The following WIF1 variants were observed in gnomAD, a reference collection of about 807,000 sequenced individuals.
The protein encoded by WIF1 is Wnt inhibitory factor 1.
WIF1 carries 35 observed loss-of-function variants against 53.5 expected under a neutral mutation model. That is an observed-to-expected ratio of 0.65 (90% confidence interval 0.50 to 0.87). The LOEUF (loss-of-function observed/expected upper bound fraction) is 0.87. Ranked by LOEUF, WIF1 falls within the 40% of genes least tolerant of loss-of-function variation. The pLI, the probability that WIF1 is intolerant of heterozygous loss-of-function variation, is 0.00. For missense variants in WIF1, 467 were observed against 476.8 expected, an observed-to-expected ratio of 0.98 and a Z score of 0.19; for synonymous variants, 171 against 170.4, an observed-to-expected ratio of 1.00 and a Z score of -0.03.
chr12:65,075,738 G>GA (rs1882851504), intron 3 of WIF1, among the ~76,000 whole-genome samples: 1 of 152,078 alleles, frequency 6.6e-6, no homozygotes, highest in South Asian at 2.1e-4. Context: ...AAATGCAGTG[G>GA]AAAAAATTGC....
chr12:65,084,422 ATCT>A (rs1333130679), intron 2 of WIF1, among the ~76,000 whole-genome samples: 1 of 152,134 alleles, frequency 6.6e-6, no homozygotes, highest in East Asian at 1.9e-4. Flanking sequence ...AACAGGCATC[ATCT>A]TCTGGAGCTC....
At position 65,055,150 on chromosome 12, in the gene WIF1, T is replaced by C; in HGVS notation, c.986A>G (p.Gln329Arg). Residue 329 changes from glutamine (Q) to arginine (R), a missense_variant, in exon 9 of 10, where the codon CAA (glutamine) becomes CGA (arginine). By Grantham distance (43) the Gln-to-Arg change is conservative. Coordinates refer to ENST00000286574, the MANE Select transcript of WIF1 (RefSeq NM_007191.5). ...TCHEPNKCQC[Q>R]EGWHGRHCNK... ...GCAGTGTCTTCCATGCCAACCTTCTTGACATTGGCATTTGTTGGGTTCATG... is the reference window on the plus strand; with the variant it reads ...GCAGTGTCTTCCATGCCAACCTTCTCGACATTGGCATTTGTTGGGTTCATG... The C allele has an allele frequency of 6.2e-7, 1 of 1,614,168 alleles. No homozygotes were observed. The highest frequency in any genetic ancestry group is 8.5e-7 in the Non-Finnish European group (1 of 1,180,018).
chr12:65,053,850 A>G (rs1397446151), intron 9 of WIF1, among the ~76,000 whole-genome samples: 1 of 151,206 alleles, frequency 6.6e-6, no homozygotes, highest in Admixed American at 6.6e-5. Flanking sequence ...ATGTATATTT[A>G]TATATAAATA....
chr12:65,121,070 T>C lies in WIF1; in HGVS notation c.122A>G (p.Asp41Gly). ...TATGAGTACTCTTGCCTGGTGAGCA[T>C]CGATCCATAGGTACAGGCTCTCCTC... ...PQEESLYLWI[D>G]AHQARVLIGF... Residue 41 changes from aspartate to glycine, a missense_variant, in exon 1 of 10, where the codon GAT becomes GGT. Coordinates refer to ENST00000286574, the MANE Select transcript of WIF1 (RefSeq NM_007191.5). 1 of 1,539,576 alleles carries C rather than the reference T, an allele frequency of 6.5e-7. No individual in the cohort carries two copies. The highest frequency in any genetic ancestry group is 8.8e-7 in the Non-Finnish European group (1 of 1,140,486).
intron 2 of WIF1, among the ~76,000 whole-genome samples, chr12:65,102,348 CA>C (rs1313387038): frequency 5.3e-5 from 8 of 152,110 alleles, no homozygotes; most frequent in Non-Finnish European, 8.8e-5. Flanking sequence ...CAGGAAAGCC[CA>C]TGGTGTAGTT....
intron 2 of WIF1, among the ~76,000 whole-genome samples, chr12:65,094,805 T>C (rs1883176440): frequency 6.6e-6 from 1 of 151,828 alleles, no homozygotes. Context: ...CAATAACTAT[T>C]ACTAACTTCC....
chr12:65,072,965 A>G (rs556362553), intron 3 of WIF1, among the ~76,000 whole-genome samples: 3 of 152,196 alleles, frequency 2.0e-5, no homozygotes, highest in African/African-American at 7.2e-5. Context: ...TGAAGTACAG[A>G]CTGATATGCA....
Position 65,074,348 on chromosome 12 carries a change from GTAAT to G in WIF1, c.397+3394_397+3397del, listed in dbSNP as rs1479735496. The stretch of plus-strand genomic sequence containing the variant: ...GAAGCTGAGCAGGTAAGTATAACTG[GTAAT>G]TAATTAATGTATTTTTAATGGACTA... On this transcript the variant is annotated intron_variant, in intron 3 of 9. Coordinates refer to ENST00000286574, the MANE Select transcript of WIF1 (RefSeq NM_007191.5). 5.3e-5 allele frequency among the ~76,000 whole-genome samples: 8 copies of G among 151,822 alleles called. No homozygotes were observed. In the South Asian group the frequency reaches 1.5e-3, roughly 28 times the overall value.
intron 3 of WIF1, among the ~76,000 whole-genome samples, chr12:65,075,702 T>C (rs1193138205): frequency 6.6e-6 from 1 of 152,182 alleles, no homozygotes; most frequent in African/African-American, 2.4e-5. Flanking sequence ...AACTGCTCTC[T>C]GGAATAGGAA....
At chr12:65,094,817 T>G (rs977875693) in intron 2 of WIF1, among the ~76,000 whole-genome samples, 1 of 152,042 alleles carries the variant, frequency 6.6e-6, no homozygotes, top group Non-Finnish European at 1.5e-5. Flanking sequence ...CTAACTTCCC[T>G]CCCACTCCCC....
intron 2 of WIF1, among the ~76,000 whole-genome samples, chr12:65,097,849 T>A (rs994100550): frequency 6.6e-6 from 1 of 152,220 alleles, no homozygotes; most frequent in African/African-American, 2.4e-5. Flanking sequence ...TTTGATTGTA[T>A]CATATCACTT....
At chr12:65,059,646 T>C (rs1220444353) in intron 7 of WIF1, among the ~76,000 whole-genome samples, 1 of 151,916 alleles carries the variant, frequency 6.6e-6, no homozygotes, top group Admixed American at 6.6e-5. Context: ...GATGGTATCA[T>C]TGTTTTTTAC....
At chr12:65,073,207 A>T (rs1351561629) in intron 3 of WIF1, among the ~76,000 whole-genome samples, 1 of 152,228 alleles carries the variant, frequency 6.6e-6, no homozygotes, top group Non-Finnish European at 1.5e-5. Context: ...ATAAATATTC[A>T]TCAGTCCTTT....
At chr12:65,101,718 A>G (rs893234882) in intron 2 of WIF1, among the ~76,000 whole-genome samples, 2 of 152,186 alleles carry the variant, frequency 1.3e-5, no homozygotes, top group African/African-American at 2.4e-5. Flanking sequence ...AAAATAAAAA[A>G]CCCTTATAAT....
chr12:65,061,234 A>G (rs879558248), intron 7 of WIF1, among the ~76,000 whole-genome samples: 17 of 152,238 alleles, frequency 1.1e-4, no homozygotes, highest in Non-Finnish European at 2.2e-4. Flanking sequence ...TTAAAGTACA[A>G]AAACCCACAA....
At chr12:65,078,843 C>T (rs1429739235) in intron 2 of WIF1, among the ~76,000 whole-genome samples, 2 of 152,088 alleles carry the variant, frequency 1.3e-5, no homozygotes, top group African/African-American at 4.8e-5. Context: ...AGCTTTAATG[C>T]TTAATGGATT....
chr12:65,114,709 G>A (rs930626802), intron 2 of WIF1, among the ~76,000 whole-genome samples: 5 of 151,942 alleles, frequency 3.3e-5, no homozygotes, highest in Admixed American at 2.6e-4. Flanking sequence ...ATTTTCAGTG[G>A]TTATACATAA....
chr12:65,073,254 A>G (rs546772928), intron 3 of WIF1, among the ~76,000 whole-genome samples: 205 of 152,294 alleles, frequency 1.3e-3, no homozygotes, highest in Middle Eastern at 6.8e-3. Flanking sequence ...CTTACCAAAT[A>G]CTTAGCACAA....
At chr12:65,077,408 T>C (rs910949233) in intron 3 of WIF1, among the ~76,000 whole-genome samples, 21 of 152,254 alleles carry the variant, frequency 1.4e-4, no homozygotes, top group African/African-American at 3.9e-4. Context: ...CTTTGCCACA[T>C]TTTTGTGTAT....
Sources: gnomAD v4.1 joint callset for allele counts (sites outside exome capture counted in the v4.1 genomes callset) on GRCh38, gnomAD v4.1.1 for gene constraint, MANE v1.5 for transcripts, NCBI Gene and HGNC (gene_info 2026-07-23, HGNC 2026-07-21) for gene names.